The following RNFT2 variants were observed in gnomAD, a reference collection of about 807,000 sequenced individuals.
RNFT2 encodes the protein E3 ubiquitin-protein ligase RNFT2.
RNFT2 carries 36 observed loss-of-function variants against 53.0 expected under a neutral mutation model. The ratio of observed to expected loss-of-function variants is 0.68; its 90% CI spans 0.52 to 0.90. The LOEUF (loss-of-function observed/expected upper bound fraction) is 0.90. RNFT2 is among the 40% of genes least tolerant of loss of function. The probability of loss-of-function intolerance (pLI) is 0.00; values close to 1 mark genes in which losing one functional copy is unlikely to be tolerated. For synonymous variants in RNFT2, 260 were observed against 253.2 expected (o/e 1.03, Z -0.26); for missense variants, 514 against 585.6 (o/e 0.88, Z 1.26).
chr12:116,816,012 A>C (rs189635082), intron 7 of RNFT2, among the ~76,000 whole-genome samples: 1 of 152,298 alleles, frequency 6.6e-6, no homozygotes, highest in Non-Finnish European at 1.5e-5. Flanking sequence ...TTTGGGAAAC[A>C]GCCAGGCTTG....
chr12:116,836,194 G>C lies in RNFT2; in HGVS notation c.1112G>C (p.Arg371Pro). Residue 371 changes from arginine (R) to proline (P), a missense_variant, in exon 10 of 11, where the codon CGA becomes CCA. Coordinates refer to ENST00000257575, the MANE Select transcript of RNFT2 (RefSeq NM_001382266.1). ...LLCTSQNYGV[R>P]ATGQQCTEAG... is the part of the protein sequence containing the mutation. Reference sequence around the variant, plus strand: ...CCTCCCTCAAAGAACTATGGAGTCCGAGCCACCGGGCAGCAGTGCACAGAA... The same window carrying C: ...CCTCCCTCAAAGAACTATGGAGTCCCAGCCACCGGGCAGCAGTGCACAGAA... 6.3e-7 allele frequency: 1 copy of C among 1,595,632 alleles called. No homozygotes were observed. Among genetic ancestry groups the C allele is most frequent in the Non-Finnish European group, 8.5e-7 (1 of 1,171,072 alleles).
chr12:116,765,243 A>G (rs1324370709), intron 5 of RNFT2, among the ~76,000 whole-genome samples: 2 of 152,206 alleles, frequency 1.3e-5, no homozygotes, highest in East Asian at 3.9e-4. Flanking sequence ...TTAAACTGGA[A>G]TCTATTATTC....
chr12:116,750,829 AAT>A (rs369542259), intron 4 of RNFT2, among the ~76,000 whole-genome samples: 96 of 2,976 alleles, frequency 0.032, 2 homozygotes, highest in African/African-American at 0.094. Flanking sequence ...TTATATATAT[AAT>A]ATATATATTA....
intron 7 of RNFT2, among the ~76,000 whole-genome samples, chr12:116,802,893 G>A (rs569288978): frequency 1.1e-4 from 16 of 151,480 alleles, no homozygotes; most frequent in Admixed American, 3.3e-4. Context: ...CCAGGAGTTC[G>A]AACCCAGCCT....
intron 5 of RNFT2, among the ~76,000 whole-genome samples, chr12:116,760,484 T>G (rs1485446133): frequency 1.3e-5 from 2 of 152,234 alleles, no homozygotes; most frequent in African/African-American, 2.4e-5. Flanking sequence ...AATGGGCTGC[T>G]GGGGGACCCA....
rs138742377 is a variant in RNFT2, at chr12:116,821,863, C to CTGGAGTGCATGGAGTGCATGGAGTGCA, written c.883-11928_883-11902dup. Among the ~76,000 whole-genome samples, 78 of 116,360 alleles carry CTGGAGTGCATGGAGTGCATGGAGTGCA rather than the reference C, an allele frequency of 6.7e-4. 1 individual carries two copies. Among genetic ancestry groups the CTGGAGTGCATGGAGTGCATGGAGTGCA allele is most frequent in the Non-Finnish European group, 1.2e-3 (71 of 60,928 alleles). The allele number at this position is 116,360 out of a possible 152,430, so 76.3% of individuals were successfully genotyped here. A position where few individuals can be genotyped will look rare whatever the true frequency, so the allele number is the denominator to read the frequency against. On this transcript the variant is annotated intron_variant, in intron 7 of 10. Transcript: ENST00000257575. ...GCAGAGTCTTACTCTGTCGCCCAGG[C>CTGGAGTGCATGGAGTGCATGGAGTGCA]TGGAGTGCATGGAGTGCATGGAGTG...
At chr12:116,818,830 G>A (rs974371907) in intron 7 of RNFT2, among the ~76,000 whole-genome samples, 2 of 152,208 alleles carry the variant, frequency 1.3e-5, no homozygotes, top group African/African-American at 4.8e-5. Context: ...ACAGTGGTCT[G>A]TCATGTGGAA....
chr12:116,806,824 T>C (rs1422515709), intron 7 of RNFT2, among the ~76,000 whole-genome samples: 1 of 152,130 alleles, frequency 6.6e-6, no homozygotes, highest in Non-Finnish European at 1.5e-5. Flanking sequence ...TATGAAGAGC[T>C]GCATTATTAG....
intron 1 of RNFT2, among the ~76,000 whole-genome samples, chr12:116,739,681 T>C (rs1397025703): frequency 2.6e-5 from 4 of 151,966 alleles, no homozygotes; most frequent in Non-Finnish European, 5.9e-5. Context: ...GCTGACACAT[T>C]AGAGGAACAG....
intron 7 of RNFT2, among the ~76,000 whole-genome samples, chr12:116,795,580 C>T (rs746220662): frequency 1.7e-4 from 26 of 152,122 alleles, no homozygotes; most frequent in Non-Finnish European, 2.6e-4. Flanking sequence ...AGGGCTCAAA[C>T]GCAGAAATGG....
In RNFT2 at chr12:116,841,952, T is replaced by G. The variant is rs12308990; in HGVS notation, c.1200+5670T>G. Among the ~76,000 whole-genome samples, 11 of 21,992 alleles carry G rather than the reference T, an allele frequency of 5.0e-4. 1 individual carries two copies. Among genetic ancestry groups the G allele is most frequent in the African/African-American group, 3.2e-3 (10 of 3,116 alleles). The allele number at this position is 21,992 out of a possible 152,430, so 14.4% of individuals were successfully genotyped here. On this transcript the variant is annotated intron_variant, in intron 10 of 10. Transcript: ENST00000257575. ...ATATATATAAATATATATATAAATA[T>G]ATATATAGAGAGAGAGAGAGAGAGA...
intron 7 of RNFT2, among the ~76,000 whole-genome samples, chr12:116,789,423 G>A (rs192043169): frequency 1.4e-4 from 21 of 147,632 alleles, no homozygotes; most frequent in Admixed American, 3.4e-4. Context: ...TAGGAGAGTG[G>A]TGGGTGGATG....
intron 5 of RNFT2, among the ~76,000 whole-genome samples, chr12:116,758,038 TA>T (rs1273802894): frequency 3.3e-5 from 5 of 152,206 alleles, no homozygotes; most frequent in African/African-American, 1.2e-4. Context: ...AGAATTGTGA[TA>T]TTTTCCTGTT....
intron 7 of RNFT2, among the ~76,000 whole-genome samples, chr12:116,800,825 A>AAAT (rs1408446745): frequency 1.5e-5 from 2 of 133,036 alleles, no homozygotes; most frequent in African/African-American, 6.0e-5. Context: ...AAATAAAATA[A>AAAT]AATAAAATAA....
At chr12:116,798,151 G>A (rs1021450814) in intron 7 of RNFT2, among the ~76,000 whole-genome samples, 1 of 151,786 alleles carries the variant, frequency 6.6e-6, no homozygotes, top group Non-Finnish European at 1.5e-5. Context: ...GAAAGATCAC[G>A]TGAGGACACA....
intron 7 of RNFT2, among the ~76,000 whole-genome samples, chr12:116,818,142 C>T (rs971494439): frequency 1.3e-5 from 2 of 152,042 alleles, no homozygotes; most frequent in Non-Finnish European, 2.9e-5. Context: ...ACAGGGGAGA[C>T]CCCCTCTCTA....
intron 10 of RNFT2, among the ~76,000 whole-genome samples, chr12:116,844,686 T>G (rs1877515985): frequency 6.6e-6 from 1 of 152,170 alleles, no homozygotes; most frequent in Non-Finnish European, 1.5e-5. Context: ...CACCAGAATA[T>G]CTGAGAACTA....
chr12:116,793,078 C>T (rs1017422476), intron 7 of RNFT2, among the ~76,000 whole-genome samples: 16 of 152,162 alleles, frequency 1.1e-4, no homozygotes, highest in African/African-American at 3.9e-4. Context: ...CCTGGGCCTT[C>T]TAGGAGAACT....
At chr12:116,832,871 G>T (rs1316898621) in intron 7 of RNFT2, among the ~76,000 whole-genome samples, 1 of 146,682 alleles carries the variant, frequency 6.8e-6, no homozygotes, top group South Asian at 2.2e-4. Flanking sequence ...TTCAATCCCA[G>T]CCCAGTGTGA....
Sources: allele counts gnomAD v4.1 joint callset (sites outside exome capture counted in the v4.1 genomes callset), GRCh38; gene constraint gnomAD v4.1.1; transcripts MANE v1.5; gene names NCBI Gene and HGNC (gene_info 2026-07-23, HGNC 2026-07-21).